PTPRT: variants seen among roughly 807,000 people sequenced by gnomAD.
The protein encoded by PTPRT is protein tyrosine phosphatase receptor type T, also known as receptor-type tyrosine-protein phosphatase T.
Under a neutral mutation model 176.8 loss-of-function variants are expected in PTPRT, and 56 were observed. The ratio of observed to expected loss-of-function variants is 0.32; its 90% CI spans 0.26 to 0.40. The LOEUF (loss-of-function observed/expected upper bound fraction) is 0.40, where lower values mean the gene tolerates loss of function less well. Ranked by LOEUF, PTPRT falls within the 10% of genes least tolerant of loss-of-function variation. The pLI, the probability that PTPRT is intolerant of heterozygous loss-of-function variation, is 1.00. For missense variants in PTPRT, 1,540 were observed against 1,908.2 expected, an observed-to-expected ratio of 0.81 and a Z score of 3.60; for synonymous variants, 783 against 739.0, an observed-to-expected ratio of 1.06 and a Z score of -0.96.
At chr20:42,344,663 G>A (rs2058161316) in intron 11 of PTPRT, among the ~76,000 whole-genome samples, 1 of 152,176 alleles carries the variant, frequency 6.6e-6, no homozygotes, top group Non-Finnish European at 1.5e-5. Context: ...CATGCTTGGT[G>A]GAGAGAACAG....
At chr20:42,178,163 C>G (rs1990371745) in intron 16 of PTPRT, among the ~76,000 whole-genome samples, 2 of 152,128 alleles carry the variant, frequency 1.3e-5, no homozygotes, top group African/African-American at 4.8e-5. Context: ...TTCTCGAACT[C>G]CTGACCTTGT....
At chr20:42,050,058 G>A in the PTPRT span, among the ~76,000 whole-genome samples, 8 of 152,156 alleles carry the variant, frequency 5.3e-5, no homozygotes, top group African/African-American at 1.7e-4. Flanking sequence ...CAAATATTTC[G>A]GAGAACTCCA....
intron 7 of PTPRT, among the ~76,000 whole-genome samples, chr20:42,671,271 A>G (rs2075408184): frequency 6.6e-6 from 1 of 152,202 alleles, no homozygotes; most frequent in Non-Finnish European, 1.5e-5. Flanking sequence ...GCTGTACGAT[A>G]ACCAAGCTAA....
intron 12 of PTPRT, among the ~76,000 whole-genome samples, chr20:42,301,772 T>C (rs745649652): frequency 6.6e-6 from 1 of 152,190 alleles, no homozygotes; most frequent in Non-Finnish European, 1.5e-5. Context: ...CTTTACACTA[T>C]TCTTGAAACA....
chr20:42,054,285 G>A, the PTPRT span, among the ~76,000 whole-genome samples: 1 of 152,294 alleles, frequency 6.6e-6, no homozygotes, highest in South Asian at 2.1e-4. Flanking sequence ...GGTGGAGGGA[G>A]GTAGACTGTT....
intron 1 of PTPRT, among the ~76,000 whole-genome samples, chr20:43,108,518 G>A (rs1368344149): frequency 1.3e-5 from 2 of 152,058 alleles, no homozygotes; most frequent in Non-Finnish European, 2.9e-5. Context: ...TGTTTTGGGC[G>A]ATTTGTTATG....
In PTPRT at chr20:42,105,214, T is replaced by G. The variant is rs531670534; in HGVS notation, c.3391-496A>C. 3.3e-5 allele frequency among the ~76,000 whole-genome samples: 5 copies of G among 152,334 alleles called. No homozygotes were observed. In the South Asian group the frequency reaches 1.0e-3, roughly 32 times the overall value. On this transcript the variant is annotated intron_variant, in intron 24 of 30. Coordinates refer to ENST00000373187, the MANE Select transcript of PTPRT (RefSeq NM_007050.6). ...TGTGTCTCAGAGTTCGCCAGCAGAA[T>G]TGGGTTCCAGTTGTCTACAGTGTTT... is the stretch of plus-strand genomic sequence containing the variant.
rs200784403 is a variant in PTPRT at position 42,345,561 on chromosome 20, CAT to C, written c.1865+5065_1865+5066del. Among the ~76,000 whole-genome samples the C allele has an allele frequency of 8.7e-3, 1,126 of 128,862 alleles. 43 individuals are homozygous for C. The highest frequency in any genetic ancestry group is 0.028 in the African/African-American group (969 of 34,996). The allele number at this position is 128,862 out of a possible 152,430, so 84.5% of individuals were successfully genotyped here. A position where few individuals can be genotyped will look rare whatever the true frequency, so the allele number is the denominator to read the frequency against. On this transcript the variant is annotated intron_variant, in intron 11 of 30. Transcript: ENST00000373187. ...AAACTAGTTACTATACACACACACA[CAT>C]ATATATACATACATATATATGTGTG...
At chr20:42,250,702 G>A (rs2056537367) in intron 13 of PTPRT, among the ~76,000 whole-genome samples, 1 of 152,188 alleles carries the variant, frequency 6.6e-6, no homozygotes, top group South Asian at 2.1e-4. Flanking sequence ...CATAATATGA[G>A]GGTGAGTGAA....
At chr20:42,894,841 G>A (rs947466179) in intron 1 of PTPRT, among the ~76,000 whole-genome samples, 2 of 152,120 alleles carry the variant, frequency 1.3e-5, no homozygotes, top group Non-Finnish European at 2.9e-5. Context: ...ACCTCATAAC[G>A]GAGGCCATAG....
intron 12 of PTPRT, among the ~76,000 whole-genome samples, chr20:42,287,736 CAAAG>C (rs1466088001): frequency 2.0e-5 from 3 of 151,812 alleles, no homozygotes; most frequent in Non-Finnish European, 2.9e-5. Context: ...GTTCCCAACA[CAAAG>C]AAATGGTAAA....
intron 1 of PTPRT, among the ~76,000 whole-genome samples, chr20:43,061,937 T>C (rs1216367934): frequency 2.6e-5 from 4 of 152,340 alleles, no homozygotes; most frequent in African/African-American, 9.6e-5. Flanking sequence ...AAGGAACAAT[T>C]GACTGATACA....
chr20:42,313,868 G>A (rs1305833203), intron 12 of PTPRT, among the ~76,000 whole-genome samples: 2 of 152,156 alleles, frequency 1.3e-5, no homozygotes, highest in East Asian at 3.9e-4. Flanking sequence ...AGTGTTGCTT[G>A]AACCAGTAAT....
At chr20:42,304,298 T>A (rs2057513392) in intron 12 of PTPRT, among the ~76,000 whole-genome samples, 1 of 152,112 alleles carries the variant, frequency 6.6e-6, no homozygotes, top group Admixed American at 6.6e-5. Flanking sequence ...ATCCATGGGT[T>A]TAAAAACTCT....
rs1253934428 is a variant in PTPRT, at chr20:42,617,179, C to G, written c.1153+60687G>C. On this transcript the variant is annotated intron_variant, in intron 7 of 30. Coordinates refer to ENST00000373187, the MANE Select transcript of PTPRT (RefSeq NM_007050.6). ...GTTGAATTTTGTCAAAGGCTTTTTC[C>G]GCATCTATTGAGATAATCATGTGGT... Among the ~76,000 whole-genome samples the G allele has an allele frequency of 5.1e-5, 7 of 136,036 alleles. 3 individuals are homozygous for G. Among genetic ancestry groups the G allele is most frequent in the African/African-American group, 1.3e-4 (4 of 30,354 alleles). 89.2% of individuals were successfully genotyped at this position (136,036 alleles called of 152,430 possible).
chr20:42,180,342 C>T (rs775504732), intron 16 of PTPRT, among the ~76,000 whole-genome samples: 4 of 152,172 alleles, frequency 2.6e-5, no homozygotes, highest in Admixed American at 6.5e-5. Context: ...CCTGACATGG[C>T]TCACATCTGT....
intron 7 of PTPRT, among the ~76,000 whole-genome samples, chr20:42,611,088 G>A (rs6102942): frequency 0.12 from 18,168 of 152,108 alleles, 2,683 homozygotes; most frequent in African/African-American, 0.35. Flanking sequence ...GCATGTGGGC[G>A]GTTTCTATTT....
chr20:43,037,855 A>T (rs1339633066), intron 1 of PTPRT, among the ~76,000 whole-genome samples: 2 of 152,164 alleles, frequency 1.3e-5, no homozygotes, highest in East Asian at 3.8e-4. Flanking sequence ...ACTGAGCTAG[A>T]GTCACCTTCT....
intron 18 of PTPRT, among the ~76,000 whole-genome samples, chr20:42,133,355 T>C (rs1490529662): frequency 3.3e-5 from 5 of 152,180 alleles, no homozygotes; most frequent in African/African-American, 1.2e-4. Flanking sequence ...TATGGTTCAG[T>C]GAGAAGCAGA....
Sources: gnomAD v4.1 joint callset for allele counts (sites outside exome capture counted in the v4.1 genomes callset) on GRCh38, gnomAD v4.1.1 for gene constraint, MANE v1.5 for transcripts, NCBI Gene and HGNC (gene_info 2026-07-23, HGNC 2026-07-21) for gene names.